Variants in PLD5 observed in about 807,000 individuals in gnomAD.
PLD5 encodes phospholipase D family member 5.
In PLD5, 36 loss-of-function variants were observed where a neutral mutation model predicts 61.1. The observed-to-expected ratio is 0.59, with a 90% confidence interval of 0.45 to 0.78. The LOEUF is 0.78. Among genes scored for constraint, PLD5 ranks in the 30% least tolerant of loss-of-function variants. The pLI is 0.00. For synonymous variants in PLD5, 243 were observed against 242.8 expected, an observed-to-expected ratio of 1.00 and a Z score of -0.01; for missense variants, 515 against 644.4, an observed-to-expected ratio of 0.80 and a Z score of 2.17.
chr1:242,121,779 A>C (rs1053037652), intron 6 of PLD5, among the ~76,000 whole-genome samples: 1 of 152,296 alleles, frequency 6.6e-6, no homozygotes, highest in Non-Finnish European at 1.5e-5. Flanking sequence ...GGATGAGTTC[A>C]CATCCTTTGT....
chr1:242,164,451 CAGATT>C (rs1268527250), intron 5 of PLD5, among the ~76,000 whole-genome samples: 66 of 151,906 alleles, frequency 4.3e-4, no homozygotes, highest in African/African-American at 1.6e-3. Flanking sequence ...GACCAGTCTC[CAGATT>C]CACTGACGGG....
At chr1:242,314,975 A>T (rs1676922999) in intron 2 of PLD5, among the ~76,000 whole-genome samples, 1 of 152,218 alleles carries the variant, frequency 6.6e-6, no homozygotes, top group Non-Finnish European at 1.5e-5. Context: ...AATGAAATAC[A>T]ACACATAGAA....
chr1:242,206,196 C>G lies in PLD5; in HGVS notation c.735+13792G>C, dbSNP rs144783150. The stretch of plus-strand genomic sequence containing the variant: ...CTGTCCACTGAACCTCAGAACTACC[C>G]CTTCTTCCTGACATCCTTTGTTTCT... On this transcript the variant is annotated intron_variant, in intron 5 of 9. Coordinates refer to ENST00000536534, the MANE Select transcript of PLD5 (RefSeq NM_001372062.1). 1.4e-4 allele frequency among the ~76,000 whole-genome samples: 21 copies of G among 152,298 alleles called. 1 individual carries two copies. Among genetic ancestry groups the G allele is most frequent in the African/African-American group, 5.1e-4 (21 of 41,564 alleles).
At position 242,168,846 on chromosome 1, in the gene PLD5, G is replaced by GTTTTTTTTTTTTTTTTTTTTTT. The variant is rs34280777; in HGVS notation, c.736-44182_736-44181insAAAAAAAAAAAAAAAAAAAAAA. On this transcript the variant is annotated intron_variant, in intron 5 of 9. Transcript: ENST00000536534. ...TCCATGACAGTTTTTAATTAATGAA[G>GTTTTTTTTTTTTTTTTTTTTTT]TTTTTTTTTTTTTTTTTTTTACCAC... 2.5e-3 allele frequency among the ~76,000 whole-genome samples: 274 copies of GTTTTTTTTTTTTTTTTTTTTTT among 111,254 alleles called. 27 individuals are homozygous for GTTTTTTTTTTTTTTTTTTTTTT. Among genetic ancestry groups the GTTTTTTTTTTTTTTTTTTTTTT allele is most frequent in the African/African-American group, 9.4e-3 (251 of 26,774 alleles). The allele number at this position is 111,254 out of a possible 152,430, so 73.0% of individuals were successfully genotyped here. A position where few individuals can be genotyped will look rare whatever the true frequency, so the allele number is the denominator to read the frequency against.
intron 1 of PLD5, among the ~76,000 whole-genome samples, chr1:242,378,327 T>A (rs528176221): frequency 6.6e-6 from 1 of 152,058 alleles, no homozygotes; most frequent in East Asian, 1.9e-4. Context: ...GAGAAAAAAG[T>A]AGAACAGTGA....
At chr1:242,491,373 G>GA (rs1668145368) in intron 1 of PLD5, among the ~76,000 whole-genome samples, 1 of 152,144 alleles carries the variant, frequency 6.6e-6, no homozygotes, top group Non-Finnish European at 1.5e-5. Flanking sequence ...ATAGATACAT[G>GA]AAGAAACGTG....
At chr1:242,385,547 G>A (rs538714031) in intron 1 of PLD5, among the ~76,000 whole-genome samples, 37 of 152,252 alleles carry the variant, frequency 2.4e-4, no homozygotes, top group African/African-American at 7.2e-4. Flanking sequence ...CCATGATTGC[G>A]ATGGCTCCCT....
chr1:242,502,672 CGTGT>C (rs897969504), intron 1 of PLD5, among the ~76,000 whole-genome samples: 5 of 151,446 alleles, frequency 3.3e-5, no homozygotes, highest in South Asian at 4.2e-4. Flanking sequence ...TGTGTATGTG[CGTGT>C]GTGTGTGTAT....
intron 2 of PLD5, among the ~76,000 whole-genome samples, chr1:242,290,140 T>C (rs1212933783): frequency 6.7e-6 from 1 of 149,722 alleles, no homozygotes; most frequent in Non-Finnish European, 1.5e-5. Flanking sequence ...CTATCTCATA[T>C]GTACTGACTC....
intron 1 of PLD5, among the ~76,000 whole-genome samples, chr1:242,509,411 C>T (rs551198451): frequency 2.6e-5 from 4 of 152,260 alleles, no homozygotes; most frequent in African/African-American, 9.6e-5. Flanking sequence ...AGGGTAAATG[C>T]CTGCCTCCTT....
At chr1:242,313,984 G>A (rs1676859566) in intron 2 of PLD5, among the ~76,000 whole-genome samples, 1 of 152,140 alleles carries the variant, frequency 6.6e-6, no homozygotes, top group Non-Finnish European at 1.5e-5. Context: ...GACATCAAAG[G>A]CGTTTTTCCT....
chr1:242,107,832 A>G lies in PLD5; in HGVS notation c.1078T>C (p.Trp360Arg). Reference protein sequence around the residue: ...ISSTSTKRTYWPDLDAKIREA... With the variant: ...ISSTSTKRTYRPDLDAKIREA... ...CTTATTTTTGCATCCAAGTCTGGCC[A>G]GTAAGTCCTGCAGAAATCATATCCA... Residue 360 changes from tryptophan to arginine, a missense_variant, in exon 8 of 10, where the codon TGG becomes CGG. Around this residue, in one of 2 missense-constraint regions of PLD5, gnomAD observed 450 missense variants for 598.1 expected, o/e 0.75. Transcript: ENST00000536534. The G allele has an allele frequency of 6.3e-7, 1 of 1,589,028 alleles. No homozygotes were observed. The highest frequency in any genetic ancestry group is 8.5e-7 in the Non-Finnish European group (1 of 1,172,790).
intron 1 of PLD5, among the ~76,000 whole-genome samples, chr1:242,446,908 T>C (rs1404529483): frequency 2.0e-5 from 3 of 152,176 alleles, no homozygotes; most frequent in African/African-American, 4.8e-5. Context: ...ATGAGGGCCC[T>C]AGAGCCAGTA....
chr1:242,387,395 T>C (rs1166307917), intron 1 of PLD5, among the ~76,000 whole-genome samples: 1 of 152,096 alleles, frequency 6.6e-6, no homozygotes, highest in Non-Finnish European at 1.5e-5. Context: ...ACTGCAGGGA[T>C]AGAAAAATAT....
chr1:242,217,635 C>T (rs927728173), intron 5 of PLD5, among the ~76,000 whole-genome samples: 5 of 152,090 alleles, frequency 3.3e-5, no homozygotes, highest in Non-Finnish European at 7.3e-5. Context: ...AAAAAAAGAA[C>T]ATTTGGGATT....
At chr1:242,247,929 G>C (rs1672484155) in intron 4 of PLD5, among the ~76,000 whole-genome samples, 1 of 152,172 alleles carries the variant, frequency 6.6e-6, no homozygotes, top group Non-Finnish European at 1.5e-5. Context: ...TAAAGGACTG[G>C]CTGAAGCAGA....
At chr1:242,201,601 G>A (rs1331816850) in intron 5 of PLD5, among the ~76,000 whole-genome samples, 7 of 151,902 alleles carry the variant, frequency 4.6e-5, no homozygotes, top group South Asian at 2.1e-4. Flanking sequence ...AACCCACTGC[G>A]GCCTTAAACT....
intron 1 of PLD5, among the ~76,000 whole-genome samples, chr1:242,439,453 T>C (rs949151663): frequency 5.9e-5 from 9 of 152,184 alleles, no homozygotes; most frequent in African/African-American, 9.7e-5. Flanking sequence ...TCTGCCTACA[T>C]GTAGTTGGCC....
chr1:242,138,242 A>G (rs1448635872), intron 5 of PLD5, among the ~76,000 whole-genome samples: 1 of 152,210 alleles, frequency 6.6e-6, no homozygotes, highest in Non-Finnish European at 1.5e-5. Context: ...AACAATGAGC[A>G]TGTCCTGATC....
Sources: gnomAD v4.1 joint callset for allele counts (sites outside exome capture counted in the v4.1 genomes callset) on GRCh38, gnomAD v4.1.1 for gene constraint, gnomAD v4.1.1 regional missense constraint, MANE v1.5 for transcripts, NCBI Gene and HGNC (gene_info 2026-07-23, HGNC 2026-07-21) for gene names.